The following SLC36A2 variants were observed in gnomAD, a reference collection of about 807,000 sequenced individuals.
SLC36A2 encodes solute carrier family 36 member 2.
A neutral mutation model predicts 42.7 loss-of-function variants in SLC36A2; 39 were observed. The observed-to-expected ratio is 0.91, with a 90% CI of 0.71 to 1.19. SLC36A2 has a LOEUF of 1.19. SLC36A2 is among the 50% of genes most tolerant of loss of function. The pLI, the probability that SLC36A2 is intolerant of heterozygous loss-of-function variation, is 0.00. For synonymous variants in SLC36A2, 237 were observed against 240.8 expected, an observed-to-expected ratio of 0.98 and a Z score of 0.15; for missense variants, 590 against 613.7, an observed-to-expected ratio of 0.96 and a Z score of 0.41.
At chr5:151,331,319 CGTTTT>C (rs1380383450) in intron 7 of SLC36A2, among the ~76,000 whole-genome samples, 1 of 151,318 alleles carries the variant, frequency 6.6e-6, no homozygotes, top group Non-Finnish European at 1.5e-5. Context: ...GTTTTTGTTT[CGTTTT>C]GTTTTGTTTT....
chr5:151,332,752 G>A (rs1756033738), intron 7 of SLC36A2, among the ~76,000 whole-genome samples: 1 of 152,102 alleles, frequency 6.6e-6, no homozygotes, highest in Non-Finnish European at 1.5e-5. Context: ...GAAACTTACA[G>A]GAATGTACAC....
chr5:151,332,489 G>A (rs775373046), intron 7 of SLC36A2: 18 of 455,298 alleles, frequency 4.0e-5, no homozygotes, highest in East Asian at 2.1e-4. Context: ...TGACAGGTGC[G>A]TTGATAAGCT....
intron 8 of SLC36A2, chr5:151,325,074 G>T (rs58658233): frequency 3.1e-6 from 2 of 639,260 alleles, no homozygotes; most frequent in Non-Finnish European, 5.6e-6. Context: ...TTCACACTAA[G>T]ATGTCAAGGC....
intron 4 of SLC36A2, among the ~76,000 whole-genome samples, chr5:151,342,413 C>T (rs1035362725): frequency 1.3e-5 from 2 of 152,170 alleles, no homozygotes; most frequent in Admixed American, 6.5e-5. Context: ...TCATCTCACC[C>T]GTTCCATCCT....
chr5:151,345,754 C>G (rs753161808), intron 1 of SLC36A2, among the ~76,000 whole-genome samples: 8 of 152,204 alleles, frequency 5.3e-5, no homozygotes, highest in South Asian at 2.1e-4. Flanking sequence ...AACTTGAAAA[C>G]ATAGTGCGGT....
intron 2 of SLC36A2, among the ~76,000 whole-genome samples, 194 bp from the exon 3 acceptor site, chr5:151,343,792 A>G (rs79245849): frequency 6.6e-6 from 1 of 152,192 alleles, no homozygotes; most frequent in Non-Finnish European, 1.5e-5. Context: ...CCAATAAAGC[A>G]CATAAAGCAA....
chr5:151,345,396 C>G (rs1404552165), intron 1 of SLC36A2, among the ~76,000 whole-genome samples: 1 of 152,144 alleles, frequency 6.6e-6, no homozygotes, highest in Admixed American at 6.5e-5. Context: ...TTTGTTGACC[C>G]TCTGTAAATG....
chr5:151,338,272 A>G (rs546348388), intron 5 of SLC36A2, among the ~76,000 whole-genome samples: 1 of 152,362 alleles, frequency 6.6e-6, no homozygotes, highest in Non-Finnish European at 1.5e-5. Context: ...TTACTGATTA[A>G]GGATGGCCTC....
In SLC36A2 at chr5:151,335,461, G is replaced by GT; in HGVS notation, c.611dup (p.Tyr204Ter). The GT allele has an allele frequency of 6.2e-7, 1 of 1,614,162 alleles. No individual in the cohort carries two copies. The highest frequency in any genetic ancestry group is 1.1e-5 in the South Asian group (1 of 91,082). The change falls in exon 6 of 10, where the codon TAC becomes TAAC. Residue 204 changes from tyrosine to a stop codon, truncating the protein, a stop_gained and frameshift_variant. Transcript: ENST00000335244. LOFTEE classifies it high-confidence loss of function. ...CCAGGAAGGGCAGGAAGGAGAGCAT[G>GT]TAGAGTCGCGAGTCCATGGTGGGGG... ...ILTPTMDSRLYMLSFLPFLVL... is the reference protein window; with the variant it reads ...ILTPTMDSRL
chr5:151,334,466 G>T (rs1175166385), intron 6 of SLC36A2, among the ~76,000 whole-genome samples: 1 of 150,592 alleles, frequency 6.6e-6, no homozygotes, highest in African/African-American at 2.4e-5. Flanking sequence ...CAAGGCGGGG[G>T]GATCACTTGA....
chr5:151,325,593 GC>G, intron 7 of SLC36A2, 141 bp from the exon 8 acceptor site: 1 of 924,068 alleles, frequency 1.1e-6, no homozygotes, highest in Non-Finnish European at 1.7e-6. Context: ...TCACAGTAGT[GC>G]TATTCACATA....
At chr5:151,324,502 T>C (rs2127287710) in intron 8 of SLC36A2, among the ~76,000 whole-genome samples, 1 of 152,144 alleles carries the variant, frequency 6.6e-6, no homozygotes, top group Middle Eastern at 3.4e-3. Flanking sequence ...CCGGCTAATT[T>C]TGTATTATTA....
intron 7 of SLC36A2, chr5:151,332,533 A>G: frequency 2.3e-6 from 1 of 433,212 alleles, no homozygotes; most frequent in Non-Finnish European, 4.6e-6. Context: ...GCTCTGCAAT[A>G]GAAAGCAAGG....
At position 151,315,691 on chromosome 5, in the gene SLC36A2, A is replaced by C. The variant is rs897605868; in HGVS notation, c.*1126T>G. On this transcript the variant is annotated 3_prime_UTR_variant, in exon 10 of 10. Coordinates refer to ENST00000335244, the MANE Select transcript of SLC36A2 (RefSeq NM_181776.3). ...AAAAATTTAAGGGATACAGATACAG[A>C]CTTCATCTTTTCATAGGAGCAGGTG... The C allele has an allele frequency of 3.3e-5, 5 of 152,218 alleles. No individual in the cohort carries two copies. Among genetic ancestry groups the C allele is most frequent in the Non-Finnish European group, 5.9e-5 (4 of 68,046 alleles). The allele number at this position is 152,218 out of a possible 1,614,324, so 9.4% of individuals were successfully genotyped here.
rs959468055 is a variant in SLC36A2 at position 151,325,288 on chromosome 5, G to A, written c.1008C>T (p.Cys336=). 7.4e-6 allele frequency: 12 copies of A among 1,613,182 alleles called. No individual in the cohort carries two copies. Among genetic ancestry groups the A allele is most frequent in the Non-Finnish European group, 1.0e-5 (12 of 1,179,624 alleles). The change falls in exon 8 of 10, where the codon TGC becomes TGT. Residue 336 remains cysteine, a splice_region_variant and synonymous_variant. Transcript: ENST00000335244. ...KASISLNLPN[C]WLYQSVKLLY... is the part of the protein sequence containing the mutation. Reference sequence around the variant, plus strand: ...CACCTGACAGCCCATGAAGATACCAGCAGTTAGGCAGGTTAAGGCTTATGC... The same window carrying A: ...CACCTGACAGCCCATGAAGATACCAACAGTTAGGCAGGTTAAGGCTTATGC...
At chr5:151,342,158 T>C (rs746410207) in intron 4 of SLC36A2, among the ~76,000 whole-genome samples, 6 of 152,160 alleles carry the variant, frequency 3.9e-5, no homozygotes, top group Non-Finnish European at 5.9e-5. Flanking sequence ...AAAGAACAAA[T>C]AGAGTCTTCG....
At chr5:151,318,796 CAT>C (rs1313075848) in intron 9 of SLC36A2, among the ~76,000 whole-genome samples, 5 of 152,016 alleles carry the variant, frequency 3.3e-5, no homozygotes, top group African/African-American at 4.8e-5. Context: ...GTTTTATACA[CAT>C]GTCAGAAAAC....
In SLC36A2 at chr5:151,340,167, G is replaced by GGAGGA. The variant is rs1554098831; in HGVS notation, c.441-1024_441-1023insTCCTC. Among the ~76,000 whole-genome samples the GGAGGA allele has an allele frequency of 5.3e-3, 593 of 112,326 alleles. 45 individuals are homozygous for GGAGGA. The highest frequency in any genetic ancestry group is 6.3e-3 in the Non-Finnish European group (397 of 62,722). The allele number at this position is 112,326 out of a possible 152,430, so 73.7% of individuals were successfully genotyped here. ...AGGAGGAGAAGGAGGAGGAAGAAGA[G>GGAGGA]GAAGGAGGAGGAGGAGGAAGAGGTG... On this transcript the variant is annotated intron_variant, in intron 4 of 9. Coordinates refer to ENST00000335244, the MANE Select transcript of SLC36A2 (RefSeq NM_181776.3).
intron 6 of SLC36A2, among the ~76,000 whole-genome samples, chr5:151,334,128 T>G (rs1198518761): frequency 6.6e-6 from 1 of 152,220 alleles, no homozygotes; most frequent in African/African-American, 2.4e-5. Flanking sequence ...TTTTTCTAAC[T>G]GGGCAACCTT....
Sources: allele counts gnomAD v4.1 joint callset (sites outside exome capture counted in the v4.1 genomes callset), GRCh38; gene constraint gnomAD v4.1.1; transcripts MANE v1.5; gene names NCBI Gene and HGNC (gene_info 2026-07-23, HGNC 2026-07-21).